SPATS2L: variants seen among roughly 807,000 people sequenced by gnomAD.
SPATS2L encodes SPATS2-like protein.
Under a neutral mutation model 59.6 loss-of-function variants are expected in SPATS2L, and 30 were observed. That is an observed-to-expected ratio of 0.50 (90% CI 0.38 to 0.68). SPATS2L has a LOEUF of 0.68. Ranked by LOEUF, SPATS2L falls within the 30% of genes least tolerant of loss-of-function variation. The pLI, the probability that SPATS2L is intolerant of heterozygous loss-of-function variation, is 0.00. For synonymous variants in SPATS2L, 252 were observed against 263.5 expected (o/e 0.96, Z 0.42); for missense variants, 615 against 700.0 (o/e 0.88, Z 1.37).
chr2:200,320,044 C>G (rs1402539914), intron 1 of SPATS2L, among the ~76,000 whole-genome samples: 1 of 152,050 alleles, frequency 6.6e-6, no homozygotes, highest in Non-Finnish European at 1.5e-5. Flanking sequence ...CCAAGACAGG[C>G]CAAAGATAGG....
At chr2:200,341,052 C>T (rs779341041) in intron 2 of SPATS2L, among the ~76,000 whole-genome samples, 17 of 152,210 alleles carry the variant, frequency 1.1e-4, no homozygotes, top group Non-Finnish European at 2.1e-4. Flanking sequence ...TTCTTAAGTG[C>T]TTACTCTGTA....
chr2:200,376,745 A>G (rs2081613404), intron 2 of SPATS2L, among the ~76,000 whole-genome samples: 1 of 152,224 alleles, frequency 6.6e-6, no homozygotes, highest in African/African-American at 2.4e-5. Flanking sequence ...TGGAACACAA[A>G]TGACCCTGTG....
At chr2:200,394,155 T>C (rs528570839) in intron 3 of SPATS2L, among the ~76,000 whole-genome samples, 13 of 152,354 alleles carry the variant, frequency 8.5e-5, no homozygotes, top group African/African-American at 3.1e-4. Context: ...ATTGAAAATA[T>C]GGTTGCAATC....
intron 1 of SPATS2L, among the ~76,000 whole-genome samples, chr2:200,312,303 A>G (rs2079218399): frequency 6.6e-6 from 1 of 152,210 alleles, no homozygotes; most frequent in Admixed American, 6.5e-5. Flanking sequence ...TGTGGTCCCA[A>G]GCAGCCAGCC....
chr2:200,453,511 G>A (rs16833423), intron 8 of SPATS2L, among the ~76,000 whole-genome samples: 2,919 of 152,302 alleles, frequency 0.019, 77 homozygotes, highest in African/African-American at 0.066. Flanking sequence ...TGGTACTCAT[G>A]GGAACAGTAC....
chr2:200,342,517 G>A (rs2080365978), intron 2 of SPATS2L, among the ~76,000 whole-genome samples: 1 of 152,244 alleles, frequency 6.6e-6, no homozygotes, highest in African/African-American at 2.4e-5. Flanking sequence ...CTGTGTCTGT[G>A]GGTCTAGTAC....
chr2:200,346,011 G>A (rs1374671267), intron 2 of SPATS2L, among the ~76,000 whole-genome samples: 1 of 152,142 alleles, frequency 6.6e-6, no homozygotes, highest in Non-Finnish European at 1.5e-5. Flanking sequence ...TTGTGTCCAG[G>A]AGACCTCTGT....
At chr2:200,433,580 T>C (rs1400645560) in intron 6 of SPATS2L, among the ~76,000 whole-genome samples, 5 of 152,032 alleles carry the variant, frequency 3.3e-5, no homozygotes, top group Non-Finnish European at 5.9e-5. Flanking sequence ...ACAAGAGATA[T>C]GAGAAAAATT....
At chr2:200,329,534 G>C (rs1420976643) in intron 2 of SPATS2L, 54 bp downstream of exon 2, 8 of 1,483,894 alleles carry the variant, frequency 5.4e-6, no homozygotes, top group Non-Finnish European at 7.4e-6. Context: ...GCCATGGCCA[G>C]CTGTCCCTAC....
At chr2:200,367,151 C>T (rs186705942) in intron 2 of SPATS2L, among the ~76,000 whole-genome samples, 34 of 152,274 alleles carry the variant, frequency 2.2e-4, no homozygotes, top group African/African-American at 7.5e-4. Context: ...GTCTGTATTT[C>T]GTTAAACATT....
chr2:200,324,457 C>A (rs1384549005), intron 1 of SPATS2L, among the ~76,000 whole-genome samples: 1 of 152,158 alleles, frequency 6.6e-6, no homozygotes, highest in African/African-American at 2.4e-5. Context: ...AATTTTATTT[C>A]TCCTTCGACA....
chr2:200,425,984 A>C (rs1488837967), intron 6 of SPATS2L, among the ~76,000 whole-genome samples: 1 of 151,966 alleles, frequency 6.6e-6, no homozygotes, highest in African/African-American at 2.4e-5. Flanking sequence ...AGGCTCTCTC[A>C]TGCCAACTTA....
chr2:200,356,313 A>T (rs1257092204), intron 2 of SPATS2L, among the ~76,000 whole-genome samples: 1 of 152,208 alleles, frequency 6.6e-6, no homozygotes, highest in African/African-American at 2.4e-5. Context: ...AATAATAATG[A>T]TGGCACTAAA....
intron 2 of SPATS2L, among the ~76,000 whole-genome samples, chr2:200,366,005 G>C (rs1180178169): frequency 1.3e-5 from 2 of 152,140 alleles, no homozygotes; most frequent in Non-Finnish European, 2.9e-5. Context: ...TCCTGACCCT[G>C]CCACTTTCTA....
Position 200,449,023 on chromosome 2 carries a change from G to A in SPATS2L, c.788+8239G>A, listed in dbSNP as rs139903559. 6.6e-5 allele frequency among the ~76,000 whole-genome samples: 10 copies of A among 152,308 alleles called. No homozygotes were observed. In the South Asian group the frequency reaches 2.1e-3, roughly 32 times the overall value. ...AAAGGGCAAATACACATATAACATG[G>A]AGAAACTCAAGGTTCCCATAACTTT... is the stretch of plus-strand genomic sequence containing the variant. On this transcript the variant is annotated intron_variant, in intron 8 of 12. Transcript: ENST00000409140.
At chr2:200,447,959 A>G (rs780956054) in intron 8 of SPATS2L, among the ~76,000 whole-genome samples, 3 of 152,230 alleles carry the variant, frequency 2.0e-5, no homozygotes, top group Non-Finnish European at 2.9e-5. Flanking sequence ...AGCTGGAGCA[A>G]CACAGGGAGA....
intron 3 of SPATS2L, among the ~76,000 whole-genome samples, chr2:200,410,790 G>A (rs1371220735): frequency 6.6e-6 from 1 of 152,106 alleles, no homozygotes; most frequent in Non-Finnish European, 1.5e-5. Flanking sequence ...TGGTCAATGT[G>A]TAAATCCTCC....
At chr2:200,427,147 T>A (rs2083627419) in intron 6 of SPATS2L, among the ~76,000 whole-genome samples, 2 of 152,210 alleles carry the variant, frequency 1.3e-5, no homozygotes, top group South Asian at 4.1e-4. Context: ...TGGACTTAAT[T>A]AAATGGAATG....
At chr2:200,448,704 G>C (rs1439887552) in intron 8 of SPATS2L, among the ~76,000 whole-genome samples, 1 of 152,044 alleles carries the variant, frequency 6.6e-6, no homozygotes, top group East Asian at 1.9e-4. Flanking sequence ...ACCTGCTTGT[G>C]ACTTGGACAA....
Sources: gnomAD v4.1 joint callset for allele counts (sites outside exome capture counted in the v4.1 genomes callset) on GRCh38, gnomAD v4.1.1 for gene constraint, MANE v1.5 for transcripts, NCBI Gene and HGNC (gene_info 2026-07-23, HGNC 2026-07-21) for gene names.